SPOCK1: variants seen among roughly 807,000 people sequenced by gnomAD.
The protein encoded by SPOCK1 is testican-1.
A neutral mutation model predicts 55.3 loss-of-function variants in SPOCK1; 23 were observed. That is an observed-to-expected ratio of 0.42 (90% CI 0.30 to 0.59). SPOCK1 has a LOEUF of 0.59. Among genes scored for constraint, SPOCK1 ranks in the 20% least tolerant of loss-of-function variants. The probability of loss-of-function intolerance (pLI) is 0.22; values close to 1 mark genes in which losing one functional copy is unlikely to be tolerated. For synonymous variants in SPOCK1, 226 were observed against 221.0 expected (o/e 1.02, Z -0.20); for missense variants, 499 against 552.5 (o/e 0.90, Z 0.97).
chr5:136,992,418 T>G, intron 7 of SPOCK1, 66 bp downstream of exon 7: 7 of 1,231,232 alleles, frequency 5.7e-6, no homozygotes, highest in Non-Finnish European at 8.0e-6. Context: ...CACCCCCAAA[T>G]GATATTGCTA....
intron 2 of SPOCK1, among the ~76,000 whole-genome samples, chr5:137,496,603 C>T (rs1233001763): frequency 6.6e-6 from 1 of 152,232 alleles, no homozygotes; most frequent in African/African-American, 2.4e-5. Context: ...TGCTCTTCAA[C>T]TCTATCTAAA....
intron 3 of SPOCK1, among the ~76,000 whole-genome samples, chr5:137,238,488 C>T (rs1756223764): frequency 6.7e-6 from 1 of 149,706 alleles, no homozygotes; most frequent in African/African-American, 2.5e-5. Context: ...AAATGAATCT[C>T]ATTTATGAAG....
chr5:137,003,574 G>T (rs1298205335), intron 6 of SPOCK1, among the ~76,000 whole-genome samples: 2 of 152,088 alleles, frequency 1.3e-5, no homozygotes, highest in Non-Finnish European at 1.5e-5. Context: ...TCTGTAAGAG[G>T]TTGTTGACAG....
intron 2 of SPOCK1, among the ~76,000 whole-genome samples, chr5:137,427,796 C>G (rs991839301): frequency 1.3e-5 from 2 of 151,706 alleles, no homozygotes; most frequent in African/African-American, 4.8e-5. Context: ...GTAGTCCCAG[C>G]TACTCGGTAG....
At chr5:137,448,246 C>G (rs1753171934) in intron 2 of SPOCK1, among the ~76,000 whole-genome samples, 1 of 152,142 alleles carries the variant, frequency 6.6e-6, no homozygotes, top group African/African-American at 2.4e-5. Flanking sequence ...AAGACTTCAT[C>G]TCAAAAAAAA....
At chr5:137,404,017 T>A (rs1752040960) in intron 2 of SPOCK1, among the ~76,000 whole-genome samples, 2 of 152,128 alleles carry the variant, frequency 1.3e-5, no homozygotes, top group Admixed American at 6.5e-5. Flanking sequence ...ACAGGCCTGC[T>A]GGTAGATGTT....
Position 137,378,187 on chromosome 5 carries a change from G to A in SPOCK1, c.187-111132C>T, listed in dbSNP as rs951370918. ...TCGAACTCCCAACCTCAGGTGATCC[G>A]CCTGCCTTGGCCTCCCAAAGTGCTG... On this transcript the variant is annotated intron_variant, in intron 2 of 10. Transcript: ENST00000394945. Among the ~76,000 whole-genome samples, 14 of 152,158 alleles carry A rather than the reference G, an allele frequency of 9.2e-5. No individual in the cohort carries two copies. In the South Asian group the frequency reaches 1.9e-3, roughly 20 times the overall value.
chr5:137,080,870 A>C (rs1000612493), intron 5 of SPOCK1, among the ~76,000 whole-genome samples: 8 of 152,202 alleles, frequency 5.3e-5, no homozygotes, highest in Admixed American at 3.3e-4. Flanking sequence ...GTCACTAATA[A>C]AAAGGAAGGT....
At chr5:137,173,479 G>A (rs756626348) in intron 3 of SPOCK1, among the ~76,000 whole-genome samples, 1 of 152,090 alleles carries the variant, frequency 6.6e-6, no homozygotes, top group Non-Finnish European at 1.5e-5. Flanking sequence ...TTGAAGCTGT[G>A]ATCCAATTGC....
At chr5:137,345,777 A>G (rs1479699095) in intron 2 of SPOCK1, among the ~76,000 whole-genome samples, 2 of 152,160 alleles carry the variant, frequency 1.3e-5, no homozygotes, top group African/African-American at 4.8e-5. Flanking sequence ...AACACTCTAT[A>G]TAGAAATTAC....
chr5:137,341,254 A>G (rs867105593), intron 2 of SPOCK1, among the ~76,000 whole-genome samples: 27 of 152,376 alleles, frequency 1.8e-4, no homozygotes, highest in African/African-American at 6.2e-4. Context: ...CCTAATGTGC[A>G]TGTTTGCTCA....
At chr5:137,001,626 GTGTACAAGTTGT>G (rs747653424) in intron 6 of SPOCK1, among the ~76,000 whole-genome samples, 7 of 152,202 alleles carry the variant, frequency 4.6e-5, no homozygotes, top group Non-Finnish European at 1.0e-4. Context: ...ACAACCCTCA[GTGTACAAGTTGT>G]TGCTCTTCAC....
chr5:137,007,968 G>A (rs572255194), intron 6 of SPOCK1, among the ~76,000 whole-genome samples: 1 of 152,090 alleles, frequency 6.6e-6, no homozygotes, highest in East Asian at 1.9e-4. Flanking sequence ...ATAAAAAAAG[G>A]ATGAGTTCAC....
At chr5:137,037,515 T>C (rs1751906997) in intron 6 of SPOCK1, among the ~76,000 whole-genome samples, 1 of 152,104 alleles carries the variant, frequency 6.6e-6, no homozygotes, top group African/African-American at 2.4e-5. Context: ...TTTTGTATTT[T>C]GTTAAGGTAA....
chr5:137,467,755 T>C (rs1170827758), intron 2 of SPOCK1, among the ~76,000 whole-genome samples: 1 of 152,114 alleles, frequency 6.6e-6, no homozygotes, highest in Non-Finnish European at 1.5e-5. Flanking sequence ...GGAATAGAGT[T>C]TATGAAGACT....
intron 2 of SPOCK1, among the ~76,000 whole-genome samples, chr5:137,310,556 C>T (rs1035551404): frequency 6.6e-6 from 1 of 152,188 alleles, no homozygotes; most frequent in Non-Finnish European, 1.5e-5. Flanking sequence ...ATGAGCTGGC[C>T]TCTGTGGAAC....
Position 136,988,404 on chromosome 5 carries a change from C to A in SPOCK1, c.928+18G>T, listed in dbSNP as rs766593650. The stretch of plus-strand genomic sequence containing the variant: ...GGCTGCCCTGGGCTAGGGACCCCAA[C>A]CCTCCATCCCACCTTACCTCCAGGC... On this transcript the variant is annotated intron_variant, in intron 8 of 10. Coordinates refer to ENST00000394945, the MANE Select transcript of SPOCK1 (RefSeq NM_004598.4). The A allele has an allele frequency of 3.1e-6, 5 of 1,608,938 alleles. No individual in the cohort carries two copies. The highest frequency in any genetic ancestry group is 4.3e-6 in the Non-Finnish European group (5 of 1,175,684).
At chr5:137,435,382 G>T (rs1382820908) in intron 2 of SPOCK1, among the ~76,000 whole-genome samples, 1 of 152,158 alleles carries the variant, frequency 6.6e-6, no homozygotes, top group East Asian at 1.9e-4. Flanking sequence ...TCTACCAATG[G>T]TATAATAAAT....
chr5:136,987,253 C>T (rs1460332051), intron 8 of SPOCK1, among the ~76,000 whole-genome samples: 3 of 151,988 alleles, frequency 2.0e-5, no homozygotes, highest in East Asian at 1.9e-4. Context: ...AAATTTCTCC[C>T]TAACAAAAAT....
Sources: gnomAD v4.1 joint callset for allele counts (sites outside exome capture counted in the v4.1 genomes callset) on GRCh38, gnomAD v4.1.1 for gene constraint, MANE v1.5 for transcripts, NCBI Gene and HGNC (gene_info 2026-07-23, HGNC 2026-07-21) for gene names.